DOCK8: variants seen among roughly 807,000 people sequenced by gnomAD.
DOCK8 encodes dedicator of cytokinesis 8, also known as dedicator of cytokinesis protein 8.
In DOCK8, 141 loss-of-function variants were observed where a neutral mutation model predicts 245.6. The ratio of observed to expected loss-of-function variants is 0.57; its 90% CI spans 0.50 to 0.66. The LOEUF is 0.66. Among genes scored for constraint, DOCK8 ranks in the 30% least tolerant of loss-of-function variants. The probability of loss-of-function intolerance (pLI) is 0.00; values close to 1 mark genes in which losing one functional copy is unlikely to be tolerated. For missense variants in DOCK8, 2,965 were observed against 2,603.4 expected, an observed-to-expected ratio of 1.14 and a Z score of -3.02; for synonymous variants, 1,168 against 970.2, an observed-to-expected ratio of 1.20 and a Z score of -3.79.
intron 11 of DOCK8, 132 bp downstream of exon 11, chr9:334,516 G>GA: frequency 1.1e-6 from 1 of 949,488 alleles, no homozygotes; most frequent in East Asian, 2.4e-5. Flanking sequence ...TAAATAGAAT[G>GA]AAACACTGTT....
intron 33 of DOCK8, among the ~76,000 whole-genome samples, chr9:423,796 G>T (rs1449367725): frequency 2.0e-5 from 3 of 152,064 alleles, no homozygotes; most frequent in African/African-American, 7.2e-5. Context: ...GCATGCCGTG[G>T]GTGCTACAGA....
At chr9:308,708 A>G (rs1392000324) in intron 5 of DOCK8, among the ~76,000 whole-genome samples, 4 of 152,148 alleles carry the variant, frequency 2.6e-5, no homozygotes, top group Admixed American at 1.3e-4. Context: ...CCTAGGCTGG[A>G]GTGCAGTGGC....
At chr9:306,353 C>T (rs754672614) in intron 5 of DOCK8, among the ~76,000 whole-genome samples, 3 of 152,168 alleles carry the variant, frequency 2.0e-5, no homozygotes, top group Admixed American at 6.5e-5. Flanking sequence ...CCTGGATGCT[C>T]TGCTCTATGG....
intron 2 of DOCK8, among the ~76,000 whole-genome samples, chr9:273,846 A>G (rs1347153236): frequency 6.6e-6 from 1 of 151,972 alleles, no homozygotes; most frequent in African/African-American, 2.4e-5. Flanking sequence ...AGCTGGGATT[A>G]CAGGCATGCA....
chr9:413,497 A>G (rs1422309178), intron 28 of DOCK8, among the ~76,000 whole-genome samples: 1 of 152,212 alleles, frequency 6.6e-6, no homozygotes, highest in African/African-American at 2.4e-5. Flanking sequence ...AAATATTTGC[A>G]AATCAAAAAC....
chr9:369,945 G>T, intron 15 of DOCK8: 1 of 437,460 alleles, frequency 2.3e-6, no homozygotes. Flanking sequence ...GGGACTATAC[G>T]CATGTGCCAC....
intron 34 of DOCK8, among the ~76,000 whole-genome samples, chr9:427,935 G>C (rs1347969014): frequency 6.6e-6 from 1 of 152,186 alleles, no homozygotes; most frequent in African/African-American, 2.4e-5. Context: ...TATCCTTGGT[G>C]TTGTTAGTCC....
chr9:372,196 T>G lies in DOCK8; in HGVS notation c.2019T>G (p.Ile673Met), dbSNP rs1364877539. The change falls in exon 18 of 48, where the codon ATT (isoleucine) becomes ATG (methionine). Residue 673 changes from isoleucine to methionine, a missense_variant. Transcript: ENST00000432829. ...ETLLGYSWLP[I>M]LLNERLQTGS... ...ATCATCTGTTTCAGTGGCTGCCAATTCTCTTAAATGAACGTCTTCAAACTG... is the reference window on the plus strand; with the variant it reads ...ATCATCTGTTTCAGTGGCTGCCAATGCTCTTAAATGAACGTCTTCAAACTG... 2 of 1,613,936 alleles carry G rather than the reference T, an allele frequency of 1.2e-6. No homozygotes were observed. Among genetic ancestry groups the G allele is most frequent in the Non-Finnish European group, 1.7e-6 (2 of 1,179,990 alleles).
At chr9:457,257 A>G (rs1159258048) in intron 46 of DOCK8, among the ~76,000 whole-genome samples, 2 of 152,254 alleles carry the variant, frequency 1.3e-5, no homozygotes, top group Admixed American at 6.5e-5. Flanking sequence ...GCCTGAGTTC[A>G]GATCCCATTC....
rs990281024 is a variant in DOCK8 at position 314,666 on chromosome 9, T to A, written c.742-2377T>A. Reference sequence around the variant, plus strand: ...GAGGGCCTCTATACCAGCCCTTTAATATTTTGAAGCTGTTGTCACAGAAAT... The same window carrying A: ...GAGGGCCTCTATACCAGCCCTTTAAAATTTTGAAGCTGTTGTCACAGAAAT... On this transcript the variant is annotated intron_variant, in intron 6 of 47. Transcript: ENST00000432829. 2.6e-5 allele frequency among the ~76,000 whole-genome samples: 4 copies of A among 152,342 alleles called. No homozygotes were observed. The South Asian group carries it at 8.3e-4, about 32-fold the overall frequency.
At chr9:214,653 C>T (rs1244316845), upstream of DOCK8, 1 of 1,608,362 alleles carries the variant, frequency 6.2e-7, no homozygotes, top group Non-Finnish European at 8.5e-7. Context: ...CCCGCGCTCC[C>T]TTCGGCCGGA....
intron 23 of DOCK8, among the ~76,000 whole-genome samples, chr9:387,623 C>T (rs2054010226): frequency 6.6e-6 from 1 of 152,104 alleles, no homozygotes; most frequent in South Asian, 2.1e-4. Context: ...GGGCCGGGGC[C>T]TGGTGCTGTG....
chr9:254,691 T>C (rs540190971), intron 1 of DOCK8, among the ~76,000 whole-genome samples: 1 of 152,336 alleles, frequency 6.6e-6, no homozygotes, highest in Non-Finnish European at 1.5e-5. Context: ...TTGACTCACA[T>C]TCTCCTTCTA....
chr9:413,365 G>A (rs1292679114), intron 28 of DOCK8, among the ~76,000 whole-genome samples: 3 of 152,030 alleles, frequency 2.0e-5, no homozygotes, highest in Non-Finnish European at 2.9e-5. Flanking sequence ...TCTTAGATAT[G>A]ACACACTCGA....
chr9:237,374 G>T (rs955718115), intron 1 of DOCK8, among the ~76,000 whole-genome samples: 2 of 152,256 alleles, frequency 1.3e-5, no homozygotes, highest in Non-Finnish European at 2.9e-5. Flanking sequence ...AATTGCAAGG[G>T]CTGGGTGCTG....
intron 24 of DOCK8, among the ~76,000 whole-genome samples, chr9:391,421 A>G (rs1299891577): frequency 6.6e-6 from 1 of 152,150 alleles, no homozygotes; most frequent in African/African-American, 2.4e-5. Context: ...GCTTGGTACC[A>G]TGCAAGGCCC....
chr9:292,426 T>C (rs2049085086), intron 4 of DOCK8, among the ~76,000 whole-genome samples: 1 of 134,376 alleles, frequency 7.4e-6, no homozygotes, highest in Admixed American at 7.7e-5. Flanking sequence ...TTATTGACAC[T>C]ACATGCATGA....
intron 4 of DOCK8, among the ~76,000 whole-genome samples, chr9:301,365 A>G (rs926060782): frequency 2.0e-5 from 3 of 152,262 alleles, no homozygotes; most frequent in Non-Finnish European, 4.4e-5. Context: ...GCCATCTATT[A>G]TTCAACTATC....
At position 404,962 on chromosome 9, in the gene DOCK8, G is replaced by A; in HGVS notation, c.3279G>A (p.Arg1093=). Residue 1093 remains arginine, a synonymous_variant, in exon 27 of 48, where the codon AGG becomes AGA. Coordinates refer to ENST00000432829, the MANE Select transcript of DOCK8 (RefSeq NM_203447.4). ...LSNLPTLISM[R]LEFLRILCSH... ...ACCTTCCAACGCTCATTTCCATGAG[G>A]CTAGAGTTCCTGAGAATCCTCTGTA... is the stretch of plus-strand genomic sequence containing the variant. The A allele has an allele frequency of 6.2e-7, 1 of 1,613,968 alleles. No individual in the cohort carries two copies. Among genetic ancestry groups the A allele is most frequent in the Non-Finnish European group, 8.5e-7 (1 of 1,179,980 alleles).
Sources: allele counts gnomAD v4.1 joint callset (sites outside exome capture counted in the v4.1 genomes callset), GRCh38; gene constraint gnomAD v4.1.1; transcripts MANE v1.5; gene names NCBI Gene and HGNC (gene_info 2026-07-23, HGNC 2026-07-21).